The following AGO1 variants were observed in gnomAD, a reference collection of about 807,000 sequenced individuals.
The protein encoded by AGO1 is protein argonaute-1.
Under a neutral mutation model 109.2 loss-of-function variants are expected in AGO1, and 11 were observed. The ratio of observed to expected loss-of-function variants is 0.10; its 90% CI spans 0.06 to 0.17. The LOEUF is 0.17. Ranked by LOEUF, AGO1 falls within the 10% of genes least tolerant of loss-of-function variation. The probability of loss-of-function intolerance (pLI) is 1.00; values close to 1 mark genes in which losing one functional copy is unlikely to be tolerated. For synonymous variants in AGO1, 422 were observed against 418.6 expected (o/e 1.01, Z -0.10); for missense variants, 574 against 1,140.3 (o/e 0.50, Z 7.15).
Position 35,919,703 on chromosome 1 carries a change from G to T in AGO1, c.*96G>T. ...CAGAGGAAGCAAGGAGGAGGGAGGT[G>T]GGGTAGGGAGGAGTGTAGGATGCCT... is the stretch of plus-strand genomic sequence containing the variant. On this transcript the variant is annotated 3_prime_UTR_variant, in exon 19 of 19. Transcript: ENST00000373204. This position sits in a 1 kb window ranked among gnomAD's most constrained non-coding sequence, Gnocchi z 6.6. The T allele has an allele frequency of 8.6e-7, 1 of 1,165,574 alleles. No homozygotes were observed. Among genetic ancestry groups the T allele is most frequent in the South Asian group, 1.4e-5 (1 of 70,828 alleles). 72.2% of individuals were successfully genotyped at this position (1,165,574 alleles called of 1,614,324 possible).
rs1045840234 is a variant in AGO1, at chr1:35,907,941, A to G, written c.1582+822A>G. Among the ~76,000 whole-genome samples the G allele has an allele frequency of 2.0e-5, 3 of 152,316 alleles. No homozygotes were observed. In the South Asian group the frequency reaches 6.2e-4, roughly 32 times the overall value. Reference sequence around the variant, plus strand: ...GAAATTCGAGGCTAGTCTGGGCAACAAAGCAAGACCTCATCTCTACAAAAA... The same window carrying G: ...GAAATTCGAGGCTAGTCTGGGCAACGAAGCAAGACCTCATCTCTACAAAAA... On this transcript the variant is annotated intron_variant, in intron 12 of 18. Transcript: ENST00000373204.
rs1158839713 is a variant in AGO1, at chr1:35,899,577, A to G, written c.1021-1897A>G. ...TCTTTAACCACCTGTAGAGAATGCT[A>G]CAACTTTAAGGCACCTTTAAGAGAG... On this transcript the variant is annotated intron_variant, in intron 8 of 18. Coordinates refer to ENST00000373204, the MANE Select transcript of AGO1 (RefSeq NM_012199.5). Among the ~76,000 whole-genome samples, 4 of 152,246 alleles carry G rather than the reference A, an allele frequency of 2.6e-5. 1 individual carries two copies. The highest frequency in any genetic ancestry group is 7.2e-5 in the African/African-American group (3 of 41,470).
intron 12 of AGO1, among the ~76,000 whole-genome samples, chr1:35,912,841 G>A (rs1478573648): frequency 9.2e-5 from 14 of 152,110 alleles, no homozygotes; most frequent in Admixed American, 3.3e-4. Flanking sequence ...CAAAGTGCTG[G>A]GATTACAGGC....
upstream of AGO1, among the ~76,000 whole-genome samples, chr1:35,878,223 TTA>T (rs1481785432): frequency 1.3e-5 from 2 of 151,674 alleles, no homozygotes; most frequent in African/African-American, 4.8e-5. Flanking sequence ...AGCTGGGACT[TTA>T]GGCACCCACC....
chr1:35,901,994 G>A lies in AGO1; in HGVS notation c.1187G>A (p.Gly396Glu). The part of the protein sequence containing the change: ...YNLDPYIQEF[G>E]IKVKDDMTEV... Reference sequence around the variant, plus strand: ...TTAGATCCCTACATCCAGGAATTTGGGATCAAAGTGAAGGATGACATGACG... The same window carrying A: ...TTAGATCCCTACATCCAGGAATTTGAGATCAAAGTGAAGGATGACATGACG... The change falls in exon 10 of 19, where the codon GGG (glycine) becomes GAG (glutamate). Residue 396 changes from glycine to glutamate, a missense_variant. This residue lies in a region of AGO1 where 106 missense variants were observed against 147.8 expected (regional missense o/e 0.72). Coordinates refer to ENST00000373204, the MANE Select transcript of AGO1 (RefSeq NM_012199.5). This position sits in a 1 kb window ranked among gnomAD's most constrained non-coding sequence, Gnocchi z 4.8. The A allele has an allele frequency of 6.2e-7, 1 of 1,611,122 alleles. No individual in the cohort carries two copies. Among genetic ancestry groups the A allele is most frequent in the South Asian group, 1.1e-5 (1 of 90,788 alleles).
At position 35,906,944 on chromosome 1, in the gene AGO1, A is replaced by G. The variant is rs1645532937; in HGVS notation, c.1407A>G (p.Thr469=). The change falls in exon 12 of 19, where the codon ACA becomes ACG. Residue 469 remains threonine, a synonymous_variant. Coordinates refer to ENST00000373204, the MANE Select transcript of AGO1 (RefSeq NM_012199.5). The part of the protein sequence containing the change: ...QCREEVLKNF[T]DQLRKISKDA... ...CCATGCGTGTGTACAGGAACTTCAC[A>G]GACCAGCTGCGGAAGATTTCCAAGG... 1 of 1,612,092 alleles carries G rather than the reference A, an allele frequency of 6.2e-7. No homozygotes were observed. The highest frequency in any genetic ancestry group is 8.5e-7 in the Non-Finnish European group (1 of 1,178,736).
intron 11 of AGO1, 42 bp from the exon 12 acceptor site, chr1:35,906,893 A>G (rs935876306): frequency 7.0e-6 from 11 of 1,566,710 alleles, no homozygotes; most frequent in African/African-American, 1.4e-5. Flanking sequence ...GAAGAATTCA[A>G]GTGAGACTCA....
At chr1:35,916,400 C>T (rs767442382) in intron 15 of AGO1, among the ~76,000 whole-genome samples, 3 of 152,068 alleles carry the variant, frequency 2.0e-5, no homozygotes, top group East Asian at 1.9e-4. Flanking sequence ...AACAGAGTCT[C>T]GCTCTTGCCC....
chr1:35,909,293 G>A (rs181060544), intron 12 of AGO1, among the ~76,000 whole-genome samples: 18 of 152,328 alleles, frequency 1.2e-4, no homozygotes, highest in African/African-American at 4.3e-4. Flanking sequence ...AATGATTGCT[G>A]GTTCTGGAAT....
intron 12 of AGO1, among the ~76,000 whole-genome samples, 184 bp from the exon 13 acceptor site, chr1:35,913,658 A>G (rs754681100): frequency 1.3e-5 from 2 of 152,020 alleles, no homozygotes; most frequent in African/African-American, 2.4e-5. Flanking sequence ...TGTGTCATTT[A>G]TCAGCGTTGT....
chr1:35,910,521 C>T (rs150565309), intron 12 of AGO1, among the ~76,000 whole-genome samples: 1 of 152,246 alleles, frequency 6.6e-6, no homozygotes, highest in African/African-American at 2.4e-5. Flanking sequence ...ACCACAGCCC[C>T]AGTCACTACA....
chr1:35,917,742 G>C lies in AGO1; in HGVS notation c.2163+15G>C, dbSNP rs1162428162. Reference sequence around the variant, plus strand: ...AGAATGAGCGAGTGAGTGAGGGACTGAGGCCTCCCATCCCCTCCTTCTGTC... The same window carrying C: ...AGAATGAGCGAGTGAGTGAGGGACTCAGGCCTCCCATCCCCTCCTTCTGTC... On this transcript the variant is annotated intron_variant, in intron 16 of 18. Transcript: ENST00000373204. The C allele has an allele frequency of 6.2e-7, 1 of 1,609,080 alleles. No homozygotes were observed. The highest frequency in any genetic ancestry group is 8.5e-7 in the Non-Finnish European group (1 of 1,176,214).
intron 1 of AGO1, among the ~76,000 whole-genome samples, chr1:35,871,318 G>A (rs1452808061): frequency 6.6e-6 from 1 of 151,974 alleles, no homozygotes; most frequent in Non-Finnish European, 1.5e-5. Context: ...GGCCGAGGTG[G>A]GTGGGTCGCC....
At chr1:35,874,993 G>A (rs1644981299) in intron 1 of AGO1, among the ~76,000 whole-genome samples, 1 of 152,190 alleles carries the variant, frequency 6.6e-6, no homozygotes, top group African/African-American at 2.4e-5. Context: ...AGTAGAGATT[G>A]GTTCATGAGG....
intron 11 of AGO1, among the ~76,000 whole-genome samples, chr1:35,902,923 G>T (rs1190271746): frequency 6.6e-6 from 1 of 152,000 alleles, no homozygotes; most frequent in African/African-American, 2.4e-5. Flanking sequence ...CACCAATGAG[G>T]AAAGTGTTAT....
chr1:35,895,061 C>T, intron 7 of AGO1, 61 bp from the exon 8 acceptor site: 2 of 1,537,376 alleles, frequency 1.3e-6, no homozygotes, highest in Non-Finnish European at 1.8e-6. Context: ...GGTTGTGGGT[C>T]TAGAGAAGTG....
In AGO1 at chr1:35,924,239, C is replaced by CTTGTTGT. The variant is rs1269588845; in HGVS notation, c.*4632_*4633insTTGTTGT. ...CTTCTGAAGCAAGCAACATCAGCAG[C>CTTGTTGT]AGCAGCAGCAGCAGCACAATTCTGT... On this transcript the variant is annotated 3_prime_UTR_variant, in exon 19 of 19. Coordinates refer to ENST00000373204, the MANE Select transcript of AGO1 (RefSeq NM_012199.5). 1 of 154,368 alleles carries CTTGTTGT rather than the reference C, an allele frequency of 6.5e-6. No homozygotes were observed. The highest frequency in any genetic ancestry group is 1.5e-5 in the Non-Finnish European group (1 of 68,790). The allele number at this position is 154,368 out of a possible 1,614,324, so 9.6% of individuals were successfully genotyped here. A position where few individuals can be genotyped will look rare whatever the true frequency, so the allele number is the denominator to read the frequency against.
chr1:35,887,782 T>G (rs1645144863), intron 1 of AGO1, among the ~76,000 whole-genome samples: 1 of 152,170 alleles, frequency 6.6e-6, no homozygotes, highest in South Asian at 2.1e-4. Context: ...CCTTTTTCTT[T>G]TGTGACCTCC....
At chr1:35,904,680 C>G (rs145788957) in intron 11 of AGO1, among the ~76,000 whole-genome samples, 1 of 152,280 alleles carries the variant, frequency 6.6e-6, no homozygotes, top group East Asian at 1.9e-4. Context: ...GCTTATGCAT[C>G]TGGGTCAGTA....
Sources: gnomAD v4.1 joint callset for allele counts (sites outside exome capture counted in the v4.1 genomes callset) on GRCh38, gnomAD v4.1.1 for gene constraint, gnomAD v4.1.1 regional missense constraint, Gnocchi (gnomAD v3.1) non-coding constraint, MANE v1.5 for transcripts, NCBI Gene and HGNC (gene_info 2026-07-23, HGNC 2026-07-21) for gene names.